The following CCDC73 variants were observed in gnomAD, a reference collection of about 807,000 sequenced individuals.
CCDC73 encodes the protein coiled-coil domain containing 73.
In CCDC73, 95 loss-of-function variants were observed where a neutral mutation model predicts 116.5. The ratio of observed to expected loss-of-function variants is 0.82; its 90% CI spans 0.69 to 0.97. The LOEUF (loss-of-function observed/expected upper bound fraction) is 0.97, where lower values mean the gene tolerates loss of function less well. CCDC73 is among the 50% of genes least tolerant of loss of function. The pLI, the probability that CCDC73 is intolerant of heterozygous loss-of-function variation, is 0.00. For missense variants in CCDC73, 1,066 were observed against 1,206.8 expected (o/e 0.88, Z 1.73); for synonymous variants, 398 against 401.3 (o/e 0.99, Z 0.10).
intron 1 of CCDC73, among the ~76,000 whole-genome samples, chr11:32,765,678 A>C (rs886807731): frequency 2.6e-5 from 4 of 152,236 alleles, no homozygotes; most frequent in Non-Finnish European, 5.9e-5. Flanking sequence ...TCTAAAATTG[A>C]CACCCTAACA....
At chr11:32,614,964 A>C in intron 15 of CCDC73, 22 bp from the exon 16 acceptor site, 2 of 1,449,134 alleles carry the variant, frequency 1.4e-6, no homozygotes, top group South Asian at 1.3e-5. Context: ...GGAACACAGT[A>C]AAATTTTATA....
chr11:32,773,713 G>A (rs561683848), intron 1 of CCDC73, among the ~76,000 whole-genome samples: 4 of 151,580 alleles, frequency 2.6e-5, no homozygotes, highest in South Asian at 2.1e-4. Context: ...CCAGGAGTTC[G>A]AGGTAACAGT....
intron 15 of CCDC73, 136 bp downstream of exon 15, chr11:32,615,804 G>C: frequency 1.2e-6 from 1 of 834,164 alleles, no homozygotes; most frequent in Non-Finnish European, 1.8e-6. Context: ...CAGCAAAACA[G>C]TGAAGGCAGA....
At chr11:32,782,045 C>A (rs1420355991) in intron 1 of CCDC73, among the ~76,000 whole-genome samples, 2 of 152,138 alleles carry the variant, frequency 1.3e-5, no homozygotes, top group Non-Finnish European at 2.9e-5. Context: ...GGAGTACAAA[C>A]CCTGTTGTGA....
At chr11:32,664,293 G>C (rs1356799536) in intron 9 of CCDC73, among the ~76,000 whole-genome samples, 2 of 152,176 alleles carry the variant, frequency 1.3e-5, no homozygotes, top group East Asian at 3.9e-4. Flanking sequence ...GAATTTGGCT[G>C]TGAATCTGTC....
At chr11:32,677,749 C>T (rs779056524) in intron 7 of CCDC73, among the ~76,000 whole-genome samples, 63 of 151,416 alleles carry the variant, frequency 4.2e-4, no homozygotes, top group African/African-American at 2.9e-4. Flanking sequence ...GTCAGGAGTT[C>T]GTGACCATCC....
intron 1 of CCDC73, among the ~76,000 whole-genome samples, chr11:32,761,933 T>A: frequency 6.6e-6 from 1 of 152,210 alleles, no homozygotes; most frequent in African/African-American, 2.4e-5. Flanking sequence ...CCCACTTCCT[T>A]GGACAACCCT....
At chr11:32,622,180 T>C (rs1002511287) in intron 14 of CCDC73, among the ~76,000 whole-genome samples, 6 of 152,166 alleles carry the variant, frequency 3.9e-5, no homozygotes, top group Non-Finnish European at 8.8e-5. Flanking sequence ...CAAAGGAATA[T>C]GTTATTCTGT....
intron 2 of CCDC73, among the ~76,000 whole-genome samples, chr11:32,749,403 T>C (rs1319961089): frequency 6.6e-6 from 1 of 152,090 alleles, no homozygotes; most frequent in East Asian, 1.9e-4. Context: ...TTATTAAATT[T>C]ATTTGGCAGA....
At chr11:32,785,545 G>A (rs1850620336) in intron 1 of CCDC73, among the ~76,000 whole-genome samples, 1 of 152,094 alleles carries the variant, frequency 6.6e-6, no homozygotes, top group Non-Finnish European at 1.5e-5. Context: ...GGGACTGTAG[G>A]CATGTGTCAC....
At chr11:32,763,465 GCT>G (rs1850410471) in intron 1 of CCDC73, among the ~76,000 whole-genome samples, 1 of 152,240 alleles carries the variant, frequency 6.6e-6, no homozygotes, top group Non-Finnish European at 1.5e-5. Context: ...AGCCTCCGCT[GCT>G]GATACCCAGG....
At chr11:32,716,945 T>C (rs1277877187) in intron 3 of CCDC73, among the ~76,000 whole-genome samples, 1 of 152,230 alleles carries the variant, frequency 6.6e-6, no homozygotes, top group Non-Finnish European at 1.5e-5. Flanking sequence ...GATATAACTT[T>C]ACATTTTAAA....
At chr11:32,750,028 G>A (rs909315187) in intron 2 of CCDC73, among the ~76,000 whole-genome samples, 24 of 108,610 alleles carry the variant, frequency 2.2e-4, no homozygotes, top group Admixed American at 2.2e-4. Flanking sequence ...CGACCACTAC[G>A]CCCGGCTAAT....
intron 14 of CCDC73, 45 bp from the exon 15 acceptor site, chr11:32,616,174 G>C (rs1278724584): frequency 6.7e-7 from 1 of 1,499,458 alleles, no homozygotes; most frequent in East Asian, 2.4e-5. Flanking sequence ...TTGCCTACAA[G>C]TATAAAACAT....
chr11:32,771,491 C>T (rs1590640157), intron 1 of CCDC73, among the ~76,000 whole-genome samples: 2 of 152,248 alleles, frequency 1.3e-5, no homozygotes, highest in East Asian at 3.9e-4. Flanking sequence ...TATTCCTCCC[C>T]TTTTTGAATG....
the CCDC73 span, among the ~76,000 whole-genome samples, chr11:32,814,152 T>C: frequency 1.4e-4 from 22 of 152,344 alleles, no homozygotes; most frequent in African/African-American, 5.3e-4. Context: ...AGATTCAACA[T>C]TGACAATTAA....
At chr11:32,673,766 G>A (rs896212765) in intron 9 of CCDC73, among the ~76,000 whole-genome samples, 3 of 152,148 alleles carry the variant, frequency 2.0e-5, no homozygotes, top group African/African-American at 7.2e-5. Flanking sequence ...ACCTGAAGAT[G>A]GGTTTATTTG....
At chr11:32,739,347 T>C (rs1045860131) in intron 2 of CCDC73, among the ~76,000 whole-genome samples, 1 of 152,130 alleles carries the variant, frequency 6.6e-6, no homozygotes, top group African/African-American at 2.4e-5. Flanking sequence ...CTTTCCATTA[T>C]TTTTTGTGTT....
intron 2 of CCDC73, among the ~76,000 whole-genome samples, chr11:32,755,546 T>TATATATATATGTAC (rs1850326448): frequency 7.6e-6 from 1 of 131,602 alleles, no homozygotes; most frequent in African/African-American, 2.9e-5. Context: ...AATATATATA[T>TATATATATATGTAC]ATATATATAT....
Sources: allele counts gnomAD v4.1 joint callset (sites outside exome capture counted in the v4.1 genomes callset), GRCh38; gene constraint gnomAD v4.1.1; transcripts MANE v1.5; gene names NCBI Gene and HGNC (gene_info 2026-07-23, HGNC 2026-07-21).